CDH19: variants seen among roughly 807,000 people sequenced by gnomAD.
CDH19 encodes cadherin 19.
CDH19 carries 67 observed loss-of-function variants against 64.2 expected under a neutral mutation model. That is an observed-to-expected ratio of 1.04 (90% CI 0.86 to 1.28). CDH19 has a LOEUF of 1.28. CDH19 is among the 50% of genes most tolerant of loss of function. The pLI, the probability that CDH19 is intolerant of heterozygous loss-of-function variation, is 0.00. For missense variants in CDH19, 1,030 were observed against 929.0 expected (o/e 1.11, Z -1.41); for synonymous variants, 346 against 319.3 (o/e 1.08, Z -0.89).
At chr18:66,587,740 C>A (rs772081803) in intron 1 of CDH19, among the ~76,000 whole-genome samples, 3 of 152,058 alleles carry the variant, frequency 2.0e-5, no homozygotes, top group Non-Finnish European at 2.9e-5. Context: ...CACTGAGTGA[C>A]TGTGAAACTT....
chr18:66,507,017 T>C (rs1985235641), intron 11 of CDH19, among the ~76,000 whole-genome samples: 1 of 151,876 alleles, frequency 6.6e-6, no homozygotes, highest in Non-Finnish European at 1.5e-5. Context: ...ATCACTATTG[T>C]AATAGTTGAC....
intron 3 of CDH19, among the ~76,000 whole-genome samples, chr18:66,558,796 C>T (rs967025953): frequency 7.9e-5 from 12 of 152,026 alleles, no homozygotes; most frequent in African/African-American, 2.7e-4. Flanking sequence ...TTAACTAACA[C>T]TTGTTGGTTT....
At chr18:66,521,985 C>T (rs8086646) in intron 9 of CDH19, among the ~76,000 whole-genome samples, 67,664 of 151,316 alleles carry the variant, frequency 0.45, 16,248 homozygotes, top group Non-Finnish European at 0.54. Context: ...TTCTCTCTGT[C>T]GCCCAGGCTG....
intron 5 of CDH19, among the ~76,000 whole-genome samples, chr18:66,548,513 A>G (rs1987222882): frequency 6.6e-6 from 1 of 152,092 alleles, no homozygotes; most frequent in Non-Finnish European, 1.5e-5. Context: ...AGGAAGGAAA[A>G]AACAGAGACT....
Position 66,572,130 on chromosome 18 carries a change from G to A in CDH19, c.75C>T (p.Asn25=), listed in dbSNP as rs775764668. The change falls in exon 2 of 12, where the codon AAC becomes AAT. Residue 25 remains asparagine, a synonymous_variant. Transcript: ENST00000262150. ...GCTGCTTGACTTTCTTTGTTTGAGA[G>A]TTTTCTGTTGCTCCAAGACAAGGCC... ...LLWPCLGATE[N]SQTKKVKQPV... is the part of the protein sequence containing the mutation. The A allele has an allele frequency of 1.9e-6, 3 of 1,611,456 alleles. No individual in the cohort carries two copies. The African/African-American group carries it at 4.0e-5, about 22-fold the overall frequency.
At chr18:66,602,818 T>C (rs936803348) in intron 1 of CDH19, among the ~76,000 whole-genome samples, 2 of 151,800 alleles carry the variant, frequency 1.3e-5, no homozygotes, top group Admixed American at 6.6e-5. Context: ...CTTTTAAAAA[T>C]AAATTGTTAG....
chr18:66,535,259 G>A lies in CDH19; in HGVS notation c.1215-152C>T, dbSNP rs116257387. On this transcript the variant is annotated intron_variant, in intron 7 of 11. Transcript: ENST00000262150. ...ACAACTTTTAAAACAGTATATTCCT[G>A]TATTTAAGATTCAACTCAGTGGAGA... 1.1e-3 allele frequency: 430 copies of A among 393,522 alleles called. 3 individuals carry two copies. The highest frequency in any genetic ancestry group is 8.3e-3 in the African/African-American group (403 of 48,274). The allele number at this position is 393,522 out of a possible 1,614,324, so 24.4% of individuals were successfully genotyped here. A position where few individuals can be genotyped will look rare whatever the true frequency, so the allele number is the denominator to read the frequency against.
intron 7 of CDH19, 23 bp from the exon 8 acceptor site, chr18:66,535,130 CT>C (rs1986609318): frequency 7.2e-7 from 1 of 1,383,128 alleles, no homozygotes; most frequent in South Asian, 1.6e-5. Flanking sequence ...GAAAGTATAC[CT>C]TAATATTTTT....
chr18:66,558,807 A>G (rs1366755841), intron 3 of CDH19, among the ~76,000 whole-genome samples: 3 of 152,110 alleles, frequency 2.0e-5, no homozygotes, highest in Non-Finnish European at 4.4e-5. Flanking sequence ...TTGTTGGTTT[A>G]GACAACGAAT....
chr18:66,551,435 G>A (rs1987340973), intron 4 of CDH19, among the ~76,000 whole-genome samples, 177 bp from the exon 5 acceptor site: 1 of 152,012 alleles, frequency 6.6e-6, no homozygotes, highest in East Asian at 1.9e-4. Flanking sequence ...ACTGCCTAGA[G>A]TCTAGAGTGA....
At chr18:66,520,776 TCA>T (rs1292104683) in intron 9 of CDH19, among the ~76,000 whole-genome samples, 1 of 152,070 alleles carries the variant, frequency 6.6e-6, no homozygotes. Flanking sequence ...ATACAAGTCT[TCA>T]AGTCTGATAG....
intron 1 of CDH19, among the ~76,000 whole-genome samples, chr18:66,594,668 T>C (rs533975088): frequency 3.4e-3 from 514 of 151,876 alleles, no homozygotes; most frequent in Non-Finnish European, 5.5e-3. Context: ...TGGAATACTA[T>C]GCAGCCATAA....
At chr18:66,543,736 A>C (rs1986985493) in intron 7 of CDH19, among the ~76,000 whole-genome samples, 1 of 152,014 alleles carries the variant, frequency 6.6e-6, no homozygotes, top group Non-Finnish European at 1.5e-5. Flanking sequence ...TACAAAAATT[A>C]GCTGGGCGTG....
chr18:66,538,822 T>A (rs539765519), intron 7 of CDH19, among the ~76,000 whole-genome samples: 1 of 152,084 alleles, frequency 6.6e-6, no homozygotes, highest in South Asian at 2.1e-4. Flanking sequence ...TGTAGACGCA[T>A]CGCTCTGATC....
intron 8 of CDH19, among the ~76,000 whole-genome samples, chr18:66,532,050 TCC>T (rs1338773723): frequency 9.2e-5 from 14 of 152,126 alleles, no homozygotes; most frequent in African/African-American, 2.4e-4. Flanking sequence ...CACTGCAACC[TCC>T]ACCTCCTAGG....
rs566020611 is a variant in CDH19 at position 66,504,668 on chromosome 18, C to T, written c.*144G>A. 2 of 726,886 alleles carry T rather than the reference C, an allele frequency of 2.8e-6. No individual in the cohort carries two copies. The highest frequency in any genetic ancestry group is 5.1e-5 in the South Asian group (2 of 39,432). 45.0% of individuals were successfully genotyped at this position (726,886 alleles called of 1,614,324 possible). ...CAGCATGTAGGTAGCTTAAAATAAC[C>T]ATGGAGTATTTACTCCAGGGAAATC... On this transcript the variant is annotated 3_prime_UTR_variant, in exon 12 of 12. Transcript: ENST00000262150.
intron 1 of CDH19, among the ~76,000 whole-genome samples, chr18:66,574,385 C>T (rs548070259): frequency 4.2e-4 from 63 of 150,990 alleles, no homozygotes; most frequent in Non-Finnish European, 7.7e-4. Context: ...AAATGTTGAA[C>T]GTGTTAAGCA....
intron 5 of CDH19, 39 bp downstream of exon 5, chr18:66,551,055 T>C (rs1987320121): frequency 2.6e-6 from 3 of 1,158,394 alleles, no homozygotes; most frequent in Non-Finnish European, 3.8e-6. Context: ...CACACTCATA[T>C]TTATAATGTA....
intron 4 of CDH19, among the ~76,000 whole-genome samples, chr18:66,552,325 T>C (rs1987373010): frequency 6.6e-6 from 1 of 152,052 alleles, no homozygotes; most frequent in African/African-American, 2.4e-5. Context: ...CTCCATAGTT[T>C]TGTATTATTT....
Sources: allele counts gnomAD v4.1 joint callset (sites outside exome capture counted in the v4.1 genomes callset), GRCh38; gene constraint gnomAD v4.1.1; transcripts MANE v1.5; gene names NCBI Gene and HGNC (gene_info 2026-07-23, HGNC 2026-07-21).